The following SEMA6D variants were observed in gnomAD, a reference collection of about 807,000 sequenced individuals.
The protein encoded by SEMA6D is semaphorin-6D.
A neutral mutation model predicts 106.6 loss-of-function variants in SEMA6D; 35 were observed. The observed-to-expected ratio is 0.33, with a 90% CI of 0.25 to 0.44. SEMA6D has a LOEUF of 0.44. Ranked by LOEUF, SEMA6D falls within the 20% of genes least tolerant of loss-of-function variation. The pLI, the probability that SEMA6D is intolerant of heterozygous loss-of-function variation, is 1.00. For missense variants in SEMA6D, 1,185 were observed against 1,345.9 expected (o/e 0.88, Z 1.87); for synonymous variants, 499 against 487.7 (o/e 1.02, Z -0.31).
At chr15:47,478,731 A>G (rs2043067254) in intron 3 of SEMA6D, among the ~76,000 whole-genome samples, 1 of 152,154 alleles carries the variant, frequency 6.6e-6, no homozygotes, top group Non-Finnish European at 1.5e-5. Flanking sequence ...CTTCTTTGCC[A>G]TTGTATTAGT....
intron 3 of SEMA6D, among the ~76,000 whole-genome samples, chr15:47,561,131 A>G (rs1276358037): frequency 6.6e-6 from 1 of 152,116 alleles, no homozygotes; most frequent in Non-Finnish European, 1.5e-5. Flanking sequence ...TTATTAACCT[A>G]CAGATCCAAG....
chr15:47,541,127 C>G (rs2045340715), intron 3 of SEMA6D, among the ~76,000 whole-genome samples: 1 of 152,118 alleles, frequency 6.6e-6, no homozygotes, highest in African/African-American at 2.4e-5. Flanking sequence ...AGGGAGCTTT[C>G]TGACATTCTT....
intron 4 of SEMA6D, among the ~76,000 whole-genome samples, chr15:47,662,657 T>C (rs895088512): frequency 6.6e-6 from 1 of 152,184 alleles, no homozygotes; most frequent in African/African-American, 2.4e-5. Context: ...TTATTTCTTC[T>C]AAACTTATAC....
intron 1 of SEMA6D, among the ~76,000 whole-genome samples, chr15:47,238,346 G>C (rs992187892): frequency 4.6e-5 from 7 of 152,060 alleles, no homozygotes; most frequent in African/African-American, 1.7e-4. Flanking sequence ...ATTTATGAAA[G>C]TGAAACACAT....
Position 47,318,462 on chromosome 15 carries a change from G to C in SEMA6D, c.-238-93931G>C, listed in dbSNP as rs536866038. On this transcript the variant is annotated intron_variant, in intron 1 of 19. Transcript: ENST00000558014. The stretch of plus-strand genomic sequence containing the variant: ...TCCCCAGAGTGTGATGTTCCCCTTC[G>C]TGTGTCCATGTGTTCTCATTGTTCA... 1.5e-3 allele frequency among the ~76,000 whole-genome samples: 211 copies of C among 136,136 alleles called. 1 individual carries two copies. The highest frequency in any genetic ancestry group is 5.2e-3 in the African/African-American group (190 of 36,540). 89.3% of individuals were successfully genotyped at this position (136,136 alleles called of 152,430 possible).
upstream of SEMA6D, among the ~76,000 whole-genome samples, chr15:47,713,234 A>G (rs1383733317): frequency 1.3e-5 from 2 of 151,956 alleles, no homozygotes; most frequent in Non-Finnish European, 2.9e-5. Context: ...AGCAAAAATT[A>G]TTCATGCTGA....
intron 1 of SEMA6D, among the ~76,000 whole-genome samples, chr15:47,251,043 G>C (rs1319930788): frequency 6.6e-6 from 1 of 152,178 alleles, no homozygotes; most frequent in African/African-American, 2.4e-5. Context: ...CCTAAGATCT[G>C]TCTTTGAGAG....
intron 1 of SEMA6D, among the ~76,000 whole-genome samples, chr15:47,740,580 T>G (rs1030480398): frequency 4.6e-5 from 7 of 152,114 alleles, no homozygotes; most frequent in Non-Finnish European, 1.0e-4. Context: ...AGACTTGCCC[T>G]CTGATATAGT....
intron 1 of SEMA6D, among the ~76,000 whole-genome samples, chr15:47,262,031 C>T (rs754222764): frequency 1.4e-4 from 21 of 151,958 alleles, no homozygotes; most frequent in Non-Finnish European, 2.4e-4. Context: ...CATTCCTATA[C>T]ACAAAAAACA....
intron 1 of SEMA6D, among the ~76,000 whole-genome samples, chr15:47,248,230 C>G (rs545672601): frequency 2.6e-5 from 4 of 152,176 alleles, no homozygotes; most frequent in Non-Finnish European, 4.4e-5. Context: ...TCCCCATATT[C>G]TAAGCTTTAT....
intron 1 of SEMA6D, among the ~76,000 whole-genome samples, chr15:47,367,621 A>G (rs1309300005): frequency 6.6e-6 from 1 of 151,460 alleles, no homozygotes; most frequent in Non-Finnish European, 1.5e-5. Context: ...GAAAACTGTT[A>G]TTCTGTGATT....
chr15:47,398,640 A>G (rs2040297001), intron 1 of SEMA6D, among the ~76,000 whole-genome samples: 1 of 152,180 alleles, frequency 6.6e-6, no homozygotes, highest in South Asian at 2.1e-4. Flanking sequence ...AAGAGGGAAG[A>G]TATCATAAAT....
At chr15:47,258,857 A>T (rs1454836) in intron 1 of SEMA6D, among the ~76,000 whole-genome samples, 83,621 of 151,818 alleles carry the variant, frequency 0.55, 23,541 homozygotes, top group Non-Finnish European at 0.61. Context: ...ATTTTTGACA[A>T]CATTTTATTA....
rs71425594 is a variant in SEMA6D, at chr15:47,318,024, C to CTTT, written c.-238-94354_-238-94352dup. 1.7e-3 allele frequency among the ~76,000 whole-genome samples: 197 copies of CTTT among 116,918 alleles called. 8 individuals are homozygous for CTTT. Among genetic ancestry groups the CTTT allele is most frequent in the Middle Eastern group, 0.011 (2 of 186 alleles). The allele number at this position is 116,918 out of a possible 152,430, so 76.7% of individuals were successfully genotyped here. On this transcript the variant is annotated intron_variant, in intron 1 of 19. Transcript: ENST00000558014. Reference sequence around the variant, plus strand: ...CTCTTATTACATTTGTCCCACAGTTCTTTTTTTTTTTTTTTTTAGAAATTA... The same window carrying CTTT: ...CTCTTATTACATTTGTCCCACAGTTCTTTTTTTTTTTTTTTTTTTTAGAAATTA...
chr15:47,313,764 G>A (rs2143179392), intron 1 of SEMA6D, among the ~76,000 whole-genome samples: 1 of 152,268 alleles, frequency 6.6e-6, no homozygotes, highest in African/African-American at 2.4e-5. Context: ...CAGTGCTGCT[G>A]TGTTGTGCAG....
chr15:47,433,766 G>A (rs281240), intron 2 of SEMA6D, among the ~76,000 whole-genome samples: 3,288 of 152,114 alleles, frequency 0.022, 139 homozygotes, highest in African/African-American at 0.076. Flanking sequence ...TGGAATTCCT[G>A]GATAACTCTT....
intron 1 of SEMA6D, among the ~76,000 whole-genome samples, chr15:47,325,727 T>G (rs2037106055): frequency 6.6e-6 from 1 of 152,204 alleles, no homozygotes; most frequent in African/African-American, 2.4e-5. Flanking sequence ...TACCATACTG[T>G]TTTCCTCCTT....
At chr15:47,408,526 G>T (rs1247933104) in intron 1 of SEMA6D, among the ~76,000 whole-genome samples, 1 of 152,114 alleles carries the variant, frequency 6.6e-6, no homozygotes, top group Non-Finnish European at 1.5e-5. Context: ...ACTAGTAAAG[G>T]CTGAAAATTC....
intron 4 of SEMA6D, among the ~76,000 whole-genome samples, chr15:47,610,810 C>T (rs561372245): frequency 2.6e-5 from 4 of 152,136 alleles, no homozygotes; most frequent in Admixed American, 6.5e-5. Flanking sequence ...AAATGCCCAA[C>T]ATGATTGTTT....
Sources: gnomAD v4.1 joint callset for allele counts (sites outside exome capture counted in the v4.1 genomes callset) on GRCh38, gnomAD v4.1.1 for gene constraint, MANE v1.5 for transcripts, NCBI Gene and HGNC (gene_info 2026-07-23, HGNC 2026-07-21) for gene names.